The following AGGF1 variants were observed in gnomAD, a reference collection of about 807,000 sequenced individuals.
The protein encoded by AGGF1 is angiogenic factor with G patch and FHA domains 1.
In AGGF1, 56 loss-of-function variants were observed where a neutral mutation model predicts 86.5. The observed-to-expected ratio is 0.65, with a 90% CI of 0.52 to 0.81. The LOEUF (loss-of-function observed/expected upper bound fraction) is 0.81. Ranked by LOEUF, AGGF1 falls within the 30% of genes least tolerant of loss-of-function variation. The pLI is 0.00. For missense variants in AGGF1, 816 were observed against 850.9 expected, an observed-to-expected ratio of 0.96 and a Z score of 0.51; for synonymous variants, 313 against 297.1, an observed-to-expected ratio of 1.05 and a Z score of -0.55.
At chr5:77,035,290 C>T (rs1746942861) in intron 2 of AGGF1, among the ~76,000 whole-genome samples, 1 of 151,984 alleles carries the variant, frequency 6.6e-6, no homozygotes, top group Admixed American at 6.6e-5. Flanking sequence ...AAAATGTAAC[C>T]AACTTACCTT....
intron 1 of AGGF1, among the ~76,000 whole-genome samples, chr5:77,032,110 CTA>C (rs957213912): frequency 7.9e-5 from 12 of 152,136 alleles, no homozygotes; most frequent in Admixed American, 3.9e-4. Context: ...ACCAAATGGA[CTA>C]TGAAAATAAC....
intron 5 of AGGF1, among the ~76,000 whole-genome samples, chr5:77,042,452 C>G (rs1440907396): frequency 2.8e-5 from 3 of 105,628 alleles, no homozygotes; most frequent in African/African-American, 9.3e-5. Flanking sequence ...TGACCCCCCC[C>G]ACCTCCCTCC....
At position 77,055,522 on chromosome 5, in the gene AGGF1, A is replaced by G. The variant is rs749679955; in HGVS notation, c.1642A>G (p.Thr548Ala). 2 of 1,602,020 alleles carry G rather than the reference A, an allele frequency of 1.2e-6. No homozygotes were observed. Among genetic ancestry groups the G allele is most frequent in the Non-Finnish European group, 1.7e-6 (2 of 1,170,016 alleles). The change falls in exon 11 of 14, where the codon ACA becomes GCA. Residue 548 changes from threonine (T) to alanine (A), a missense_variant. Physicochemically the swap from Thr to Ala is moderately conservative, Grantham distance 58 (BLOSUM62 0). Coordinates refer to ENST00000312916, the MANE Select transcript of AGGF1 (RefSeq NM_018046.5). ...DKKDESFVGP[T>A]LSKEEKELER... ...AACTTTTTTTCTTTCAGTTGGTCCA[A>G]CACTAAGTAAGGAGGAAAAAGAGTT...
intron 5 of AGGF1, among the ~76,000 whole-genome samples, chr5:77,043,430 C>T (rs1184428285): frequency 3.8e-5 from 3 of 79,518 alleles, no homozygotes; most frequent in African/African-American, 9.6e-5. Flanking sequence ...CCAGTAGGGG[C>T]GGCCGGGCAG....
intron 5 of AGGF1, among the ~76,000 whole-genome samples, chr5:77,041,791 T>C (rs983475548): frequency 9.3e-5 from 11 of 118,026 alleles, no homozygotes; most frequent in Admixed American, 2.6e-4. Flanking sequence ...CTTTTTTTAT[T>C]TATTTATTTA....
At chr5:77,041,914 C>G (rs1441452891) in intron 5 of AGGF1, among the ~76,000 whole-genome samples, 3 of 149,146 alleles carry the variant, frequency 2.0e-5, no homozygotes, top group Non-Finnish European at 4.5e-5. Context: ...AGCAGATAAA[C>G]AAGTGAACAA....
At position 77,046,516 on chromosome 5, in the gene AGGF1, A is replaced by G. The variant is rs1169995794; in HGVS notation, c.1040A>G (p.His347Arg). Residue 347 changes from histidine (H) to arginine (R), a missense_variant, in exon 6 of 14, where the codon CAT (histidine) becomes CGT (arginine). Physicochemically the swap from His to Arg is conservative, Grantham distance 29. Around this residue, in one of 3 missense-constraint regions of AGGF1, gnomAD observed 565 missense variants for 585.8 expected, o/e 0.96. Coordinates refer to ENST00000312916, the MANE Select transcript of AGGF1 (RefSeq NM_018046.5). ...GGAAATACTATAGAGTCTCCTCTTCATGAAAACATCTCTAATTCAACATCA... is the reference window on the plus strand; with the variant it reads ...GGAAATACTATAGAGTCTCCTCTTCGTGAAAACATCTCTAATTCAACATCA... Reference protein sequence around the residue: ...TSGNTIESPLHENISNSTSFK... With the variant: ...TSGNTIESPLRENISNSTSFK... 1.2e-6 allele frequency: 2 copies of G among 1,613,970 alleles called. No individual in the cohort carries two copies. The highest frequency in any genetic ancestry group is 2.7e-5 in the African/African-American group (2 of 74,934).
At chr5:77,044,710 C>G (rs1747212549) in intron 5 of AGGF1, among the ~76,000 whole-genome samples, 1 of 152,092 alleles carries the variant, frequency 6.6e-6, no homozygotes, top group Non-Finnish European at 1.5e-5. Context: ...TTTTTCAGCT[C>G]CTTGCCCTTG....
intron 11 of AGGF1, among the ~76,000 whole-genome samples, chr5:77,056,493 G>T (rs1467159140): frequency 6.6e-6 from 1 of 151,494 alleles, no homozygotes; most frequent in African/African-American, 2.4e-5. Flanking sequence ...CTCCCAAAGT[G>T]CTGGGATTAC....
chr5:77,050,549 T>G (rs1328785920), intron 8 of AGGF1, among the ~76,000 whole-genome samples: 1 of 152,072 alleles, frequency 6.6e-6, no homozygotes, highest in African/African-American at 2.4e-5. Flanking sequence ...AATTTGTTGG[T>G]GAAGTCAGTT....
intron 5 of AGGF1, 131 bp from the exon 6 acceptor site, chr5:77,046,216 C>G: frequency 7.2e-6 from 6 of 830,666 alleles, no homozygotes; most frequent in Non-Finnish European, 1.0e-5. Context: ...AGAGGGGGAA[C>G]AGATTGTAAC....
At chr5:77,050,231 G>A (rs904491668) in intron 8 of AGGF1, among the ~76,000 whole-genome samples, 1 of 149,720 alleles carries the variant, frequency 6.7e-6, no homozygotes, top group Non-Finnish European at 1.5e-5. Flanking sequence ...AAATAGCAAA[G>A]CGATCTGAGA....
chr5:77,052,948 AGGCTG>A, intron 9 of AGGF1, 141 bp downstream of exon 9: 5 of 749,348 alleles, frequency 6.7e-6, no homozygotes, highest in Admixed American at 2.3e-5. Flanking sequence ...ATTTCCAGAA[AGGCTG>A]AAAAAAGTGT....
chr5:77,062,992 C>T (rs1217756673), intron 13 of AGGF1, 60 bp from the exon 14 acceptor site: 20 of 1,573,936 alleles, frequency 1.3e-5, no homozygotes, highest in Non-Finnish European at 1.7e-5. Context: ...AAGTTGGACA[C>T]AGCAGATTTC....
chr5:77,031,024 C>T lies in AGGF1; in HGVS notation c.210+48C>T, dbSNP rs890335934. 4 of 1,597,152 alleles carry T rather than the reference C, an allele frequency of 2.5e-6. No homozygotes were observed. In the African/African-American group the frequency reaches 5.4e-5, roughly 21 times the overall value. Reference sequence around the variant, plus strand: ...GCGCCCCATCCAGCCCAGGCGAGGCCTTCGAAGCCCGTGATAGCCTCGGAA... The same window carrying T: ...GCGCCCCATCCAGCCCAGGCGAGGCTTTCGAAGCCCGTGATAGCCTCGGAA... On this transcript the variant is annotated intron_variant, in intron 1 of 13. Coordinates refer to ENST00000312916, the MANE Select transcript of AGGF1 (RefSeq NM_018046.5).
intron 11 of AGGF1, among the ~76,000 whole-genome samples, chr5:77,058,223 T>C (rs1323639266): frequency 3.3e-5 from 5 of 152,212 alleles, no homozygotes; most frequent in African/African-American, 1.2e-4. Context: ...AAAGTTGTTT[T>C]TTAAAAAAGT....
At chr5:77,052,974 G>T (rs1050248724) in intron 9 of AGGF1, among the ~76,000 whole-genome samples, 167 bp downstream of exon 9, 3 of 152,102 alleles carry the variant, frequency 2.0e-5, no homozygotes, top group African/African-American at 7.2e-5. Flanking sequence ...ATAATCAGTG[G>T]GTACTTACTT....
intron 6 of AGGF1, among the ~76,000 whole-genome samples, chr5:77,047,789 ATTAT>A (rs1747298287): frequency 7.0e-6 from 1 of 142,344 alleles, no homozygotes; most frequent in Non-Finnish European, 1.5e-5. Context: ...AAGTGCTGGG[ATTAT>A]AGGTGTGGAC....
intron 11 of AGGF1, among the ~76,000 whole-genome samples, chr5:77,057,545 A>G (rs1373806032): frequency 1.3e-5 from 2 of 152,224 alleles, no homozygotes; most frequent in African/African-American, 4.8e-5. Flanking sequence ...CTGGTTTCCA[A>G]CTTGTCTGAG....
Sources: gnomAD v4.1 joint callset for allele counts (sites outside exome capture counted in the v4.1 genomes callset) on GRCh38, gnomAD v4.1.1 for gene constraint, gnomAD v4.1.1 regional missense constraint, MANE v1.5 for transcripts, NCBI Gene and HGNC (gene_info 2026-07-23, HGNC 2026-07-21) for gene names.